ATRNL1: variants seen among roughly 807,000 people sequenced by gnomAD.
ATRNL1 encodes attractin-like protein 1.
A neutral mutation model predicts 182.7 loss-of-function variants in ATRNL1; 95 were observed. That is an observed-to-expected ratio of 0.52 (90% CI 0.44 to 0.62). The LOEUF is 0.62. Among genes scored for constraint, ATRNL1 ranks in the 20% least tolerant of loss-of-function variants. ATRNL1 has a pLI of 0.00. For synonymous variants in ATRNL1, 576 were observed against 568.3 expected, an observed-to-expected ratio of 1.01 and a Z score of -0.19; for missense variants, 1,471 against 1,679.5, an observed-to-expected ratio of 0.88 and a Z score of 2.17.
chr10:115,498,653 C>G (rs1371059990), intron 24 of ATRNL1, among the ~76,000 whole-genome samples: 1 of 151,458 alleles, frequency 6.6e-6, no homozygotes, highest in Non-Finnish European at 1.5e-5. Flanking sequence ...TAGATACTTT[C>G]TATATATAAG....
chr10:115,191,001 T>G (rs980513047), intron 8 of ATRNL1, among the ~76,000 whole-genome samples: 14 of 152,172 alleles, frequency 9.2e-5, no homozygotes, highest in African/African-American at 3.4e-4. Context: ...CTTATTTCAC[T>G]TAACATTGCC....
intron 24 of ATRNL1, among the ~76,000 whole-genome samples, chr10:115,487,736 G>A (rs1194139997): frequency 1.3e-5 from 2 of 152,020 alleles, no homozygotes; most frequent in Non-Finnish European, 2.9e-5. Flanking sequence ...TCTCTTGCCT[G>A]ATTGCCCTGG....
chr10:115,723,156 T>A (rs1366963478), intron 26 of ATRNL1, among the ~76,000 whole-genome samples: 1 of 152,206 alleles, frequency 6.6e-6, no homozygotes, highest in African/African-American at 2.4e-5. Flanking sequence ...GGTGCCATAT[T>A]AATATCACAA....
chr10:115,356,977 G>C (rs1243718652), intron 19 of ATRNL1, among the ~76,000 whole-genome samples: 1 of 151,818 alleles, frequency 6.6e-6, no homozygotes, highest in Non-Finnish European at 1.5e-5. Flanking sequence ...TGGGGCCAGA[G>C]AGAAACTATT....
At chr10:115,524,235 G>C (rs2133717212) in intron 25 of ATRNL1, among the ~76,000 whole-genome samples, 1 of 152,274 alleles carries the variant, frequency 6.6e-6, no homozygotes, top group South Asian at 2.1e-4. Flanking sequence ...CTCTAACATT[G>C]AGTATCAAAT....
intron 28 of ATRNL1, among the ~76,000 whole-genome samples, chr10:115,890,375 T>C (rs11197469): frequency 0.19 from 29,251 of 152,180 alleles, 8,763 homozygotes; most frequent in African/African-American, 0.64. Flanking sequence ...CTGAGCACTT[T>C]GTAGTATGCA....
intron 8 of ATRNL1, among the ~76,000 whole-genome samples, chr10:115,206,840 C>A (rs1242508684): frequency 2.6e-5 from 4 of 152,100 alleles, no homozygotes; most frequent in Non-Finnish European, 5.9e-5. Flanking sequence ...TTCTCCAGCC[C>A]CTCACCTGCC....
chr10:115,410,938 A>G (rs1367253201), intron 20 of ATRNL1, among the ~76,000 whole-genome samples: 1 of 151,886 alleles, frequency 6.6e-6, no homozygotes, highest in Non-Finnish European at 1.5e-5. Context: ...GGGTTTTACC[A>G]TGTTGGCCAG....
At chr10:115,183,294 C>T (rs1353657707) in intron 8 of ATRNL1, among the ~76,000 whole-genome samples, 1 of 150,990 alleles carries the variant, frequency 6.6e-6, no homozygotes, top group South Asian at 2.1e-4. Context: ...CACCACATTC[C>T]CAATTCAAAA....
intron 19 of ATRNL1, among the ~76,000 whole-genome samples, chr10:115,358,679 T>C (rs1297604766): frequency 6.6e-6 from 1 of 151,694 alleles, no homozygotes; most frequent in Non-Finnish European, 1.5e-5. Flanking sequence ...GACATAAGCC[T>C]AACTCCTTTT....
intron 28 of ATRNL1, among the ~76,000 whole-genome samples, chr10:115,903,837 A>G (rs1952425269): frequency 6.6e-6 from 1 of 152,302 alleles, no homozygotes; most frequent in African/African-American, 2.4e-5. Flanking sequence ...AGTGGCAAGG[A>G]GATCCCATAA....
intron 5 of ATRNL1, among the ~76,000 whole-genome samples, chr10:115,135,974 T>A (rs1321627228): frequency 1.3e-5 from 2 of 151,828 alleles, no homozygotes; most frequent in Non-Finnish European, 2.9e-5. Context: ...TCCTCCCAAC[T>A]CAGCCTCCGG....
chr10:115,103,348 GATTTTATACCAAAAT>G (rs1843861417), intron 1 of ATRNL1, among the ~76,000 whole-genome samples: 1 of 151,882 alleles, frequency 6.6e-6, no homozygotes, highest in Non-Finnish European at 1.5e-5. Context: ...CATATTTTTT[GATTTTATACCAAAAT>G]ATTTTATGTT....
intron 27 of ATRNL1, among the ~76,000 whole-genome samples, chr10:115,744,620 C>T (rs1948236862): frequency 1.3e-5 from 2 of 152,134 alleles, no homozygotes; most frequent in African/African-American, 4.8e-5. Flanking sequence ...ATTATATTTA[C>T]ATTAATATAT....
chr10:115,230,062 C>T (rs1391443676), intron 9 of ATRNL1, among the ~76,000 whole-genome samples: 1 of 152,026 alleles, frequency 6.6e-6, no homozygotes, highest in Non-Finnish European at 1.5e-5. Context: ...TTTTACCCTC[C>T]ATATATGTAT....
chr10:115,144,074 G>T (rs1845866915), intron 5 of ATRNL1, among the ~76,000 whole-genome samples: 1 of 151,078 alleles, frequency 6.6e-6, no homozygotes, highest in African/African-American at 2.4e-5. Flanking sequence ...CTGCCTCCCA[G>T]TTTCAAGTGA....
chr10:115,231,454 C>CT (rs1849948162), intron 9 of ATRNL1, among the ~76,000 whole-genome samples: 1 of 152,004 alleles, frequency 6.6e-6, no homozygotes, highest in South Asian at 2.1e-4. Flanking sequence ...GTACTAACAA[C>CT]TTTTTTGAGG....
rs148181228 is a variant in ATRNL1, at chr10:115,759,079, G to A, written c.3903+31724G>A. On this transcript the variant is annotated intron_variant, in intron 27 of 28. Coordinates refer to ENST00000355044, the MANE Select transcript of ATRNL1 (RefSeq NM_207303.4). ...ATTTATACTACCTTAATCTTATAGA[G>A]CAATAAAAGGAGCTCAGAAATACAA... Among the ~76,000 whole-genome samples, 211 of 152,136 alleles carry A rather than the reference G, an allele frequency of 1.4e-3. 3 individuals carry two copies. Among genetic ancestry groups the A allele is most frequent in the Non-Finnish European group, 1.7e-3 (118 of 68,004 alleles).
chr10:115,833,108 T>C (rs1555094279), intron 27 of ATRNL1, among the ~76,000 whole-genome samples: 2 of 152,282 alleles, frequency 1.3e-5, no homozygotes, highest in East Asian at 3.9e-4. Context: ...GAAAGTTAAA[T>C]ATATTTTTAA....
Sources: gnomAD v4.1 joint callset for allele counts (sites outside exome capture counted in the v4.1 genomes callset) on GRCh38, gnomAD v4.1.1 for gene constraint, MANE v1.5 for transcripts, NCBI Gene and HGNC (gene_info 2026-07-23, HGNC 2026-07-21) for gene names.